TENM1: variants seen among roughly 807,000 people sequenced by gnomAD.
TENM1 encodes teneurin transmembrane protein 1.
TENM1 carries 35 observed loss-of-function variants against 174.8 expected under a neutral mutation model. That is an observed-to-expected ratio of 0.20 (90% CI 0.15 to 0.27). The LOEUF (loss-of-function observed/expected upper bound fraction) is 0.27. TENM1 is among the 10% of genes least tolerant of loss of function. The pLI, the probability that TENM1 is intolerant of heterozygous loss-of-function variation, is 1.00. For missense variants in TENM1, 1,633 were observed against 2,130.1 expected (o/e 0.77, Z 4.59); for synonymous variants, 781 against 798.7 (o/e 0.98, Z 0.37).
intron 3 of TENM1, among the ~76,000 whole-genome samples, chrX:124,792,434 AAG>A (rs1453568397): frequency 1.8e-5 from 2 of 112,068 alleles, no homozygotes; most frequent in Admixed American, 9.5e-5. Context: ...AGATTATAAG[AAG>A]AGAGAGAATT....
chrX:124,563,849 C>T, intron 12 of TENM1, 77 bp from the exon 16 acceptor site: 1 of 956,237 alleles, frequency 1.0e-6, no homozygotes, highest in Non-Finnish European at 1.4e-6. Context: ...AATGGTTTAC[C>T]ATCTGTTGCC....
chrX:124,756,550 G>A, intron 3 of TENM1, among the ~76,000 whole-genome samples: 2 of 111,895 alleles, frequency 1.8e-5, no homozygotes, highest in East Asian at 5.6e-4. Flanking sequence ...CGTTCCTTTG[G>A]AGGAGGAGAG....
At chrX:124,954,611 T>C (rs2058542789) in intron 1 of TENM1, among the ~76,000 whole-genome samples, 1 of 111,588 alleles carries the variant, frequency 9.0e-6, no homozygotes, top group Admixed American at 9.5e-5. Flanking sequence ...TAAATCAAGA[T>C]GACATAATGG....
intron 3 of TENM1, among the ~76,000 whole-genome samples, chrX:124,838,572 G>A (rs1422419133): frequency 2.7e-5 from 3 of 110,696 alleles, no homozygotes; most frequent in African/African-American, 6.6e-5. Context: ...ATCAAGAAAA[G>A]GACAAAGTGA....
At chrX:125,023,000 T>C in the TENM1 span, among the ~76,000 whole-genome samples, 2 of 111,596 alleles carry the variant, frequency 1.8e-5, no homozygotes, top group Non-Finnish European at 3.8e-5. Flanking sequence ...GCCACATCAG[T>C]TCTGAAAACC....
intron 14 of TENM1, among the ~76,000 whole-genome samples, chrX:124,555,776 A>T (rs911243457): frequency 3.6e-5 from 4 of 112,281 alleles, no homozygotes; most frequent in African/African-American, 1.3e-4. Flanking sequence ...GCTGAAGATG[A>T]AGCCTGCAGC....
intron 11 of TENM1, among the ~76,000 whole-genome samples, chrX:124,623,319 G>C (rs1602824587): frequency 9.0e-6 from 1 of 111,044 alleles, no homozygotes; most frequent in Admixed American, 9.6e-5. Context: ...GTGTATAAGG[G>C]TTGTTTGGGT....
At chrX:124,690,019 G>A (rs1163554063) in intron 5 of TENM1, among the ~76,000 whole-genome samples, 1 of 111,615 alleles carries the variant, frequency 9.0e-6, no homozygotes, top group Non-Finnish European at 1.9e-5. Context: ...TAATTTGGAT[G>A]AGACTATGAT....
At chrX:124,770,230 G>A (rs1047272260) in intron 3 of TENM1, among the ~76,000 whole-genome samples, 2 of 111,277 alleles carry the variant, frequency 1.8e-5, no homozygotes, top group African/African-American at 3.3e-5. Flanking sequence ...TGTACAGTAA[G>A]TTTCACTTTG....
At chrX:124,638,444 A>G (rs2148364095) in intron 11 of TENM1, among the ~76,000 whole-genome samples, 1 of 111,793 alleles carries the variant, frequency 8.9e-6, no homozygotes, top group South Asian at 3.8e-4. Context: ...GATGTGAGTG[A>G]TCTGAGGGAG....
At chrX:124,591,303 T>C (rs148018389) in intron 11 of TENM1, among the ~76,000 whole-genome samples, 38 of 111,793 alleles carry the variant, frequency 3.4e-4, no homozygotes, top group Non-Finnish European at 6.8e-4. Context: ...GTAGTTTCTA[T>C]TGTGTACTTG....
At chrX:124,804,223 C>T (rs1250749324) in intron 3 of TENM1, among the ~76,000 whole-genome samples, 1 of 111,673 alleles carries the variant, frequency 9.0e-6, no homozygotes, top group African/African-American at 3.2e-5. Flanking sequence ...AATTAGTTTG[C>T]ATATTTCACC....
intron 11 of TENM1, among the ~76,000 whole-genome samples, chrX:124,590,097 G>T (rs2049694632): frequency 9.0e-6 from 1 of 110,893 alleles, no homozygotes; most frequent in African/African-American, 3.3e-5. Context: ...TAGAGATTTG[G>T]GTATGTCCTG....
At chrX:124,495,979 G>C (rs1253849564) in intron 20 of TENM1, among the ~76,000 whole-genome samples, 1 of 100,861 alleles carries the variant, frequency 9.9e-6, no homozygotes, top group Non-Finnish European at 2.0e-5. Context: ...ATACTACAAG[G>C]CTACAGTAAC....
rs144094347 is a variant in TENM1, at chrX:124,806,393, G to A, written c.536-69196C>T. On this transcript the variant is annotated intron_variant, in intron 3 of 31. Coordinates refer to ENST00000422452, the Ensembl canonical transcript of TENM1. ...GAGAAGAAAGATAGAAGAGTAGAAA[G>A]CTTAGAGAAATGATAGCAGAAAAAC... 9.3e-4 allele frequency among the ~76,000 whole-genome samples: 104 copies of A among 112,010 alleles called. 1 individual carries two copies. The highest frequency in any genetic ancestry group is 2.8e-3 in the African/African-American group (86 of 30,881).
At chrX:124,495,541 T>G (rs1250427682) in intron 20 of TENM1, among the ~76,000 whole-genome samples, 26 of 109,505 alleles carry the variant, frequency 2.4e-4, no homozygotes, top group African/African-American at 1.3e-4. Flanking sequence ...GTCAATTTTG[T>G]CTTTTGTTGC....
chrX:124,735,629 T>A (rs756202542), intron 4 of TENM1, among the ~76,000 whole-genome samples: 1 of 111,682 alleles, frequency 9.0e-6, no homozygotes, highest in Non-Finnish European at 1.9e-5. Flanking sequence ...AAAAGACACC[T>A]GCATGCATGT....
intron 1 of TENM1, among the ~76,000 whole-genome samples, chrX:124,945,181 T>C (rs1225135872): frequency 1.8e-5 from 2 of 111,752 alleles, no homozygotes; most frequent in Non-Finnish European, 3.8e-5. Flanking sequence ...CCTATCCAGG[T>C]AGATATCAAG....
chrX:124,863,630 C>CT lies in TENM1; in HGVS notation c.535+30665dup, dbSNP rs979074693. Among the ~76,000 whole-genome samples the CT allele has an allele frequency of 5.4e-5, 6 of 111,359 alleles. No homozygotes were observed. In the South Asian group the frequency reaches 1.5e-3, roughly 28 times the overall value. The stretch of plus-strand genomic sequence containing the variant: ...TAGAACGCCAGGTATTCTTCAAAGG[C>CT]TTTTTTTTACCTCTAGTCCCTGACT... On this transcript the variant is annotated intron_variant, in intron 3 of 31. Coordinates refer to ENST00000422452, the Ensembl canonical transcript of TENM1.
Sources: allele counts gnomAD v4.1 joint callset (sites outside exome capture counted in the v4.1 genomes callset), GRCh38; gene constraint gnomAD v4.1.1; transcripts MANE v1.5; gene names NCBI Gene and HGNC (gene_info 2026-07-23, HGNC 2026-07-21).